Variants in ANK2 observed in about 807,000 individuals in gnomAD.
ANK2 encodes ankyrin-2.
ANK2 carries 83 observed loss-of-function variants against 360.5 expected under a neutral mutation model. The ratio of observed to expected loss-of-function variants is 0.23; its 90% confidence interval spans 0.19 to 0.28. The LOEUF is 0.28. Ranked by LOEUF, ANK2 falls within the 10% of genes least tolerant of loss-of-function variation. The pLI is 1.00. For missense variants in ANK2, 4,201 were observed against 4,795.7 expected, an observed-to-expected ratio of 0.88 and a Z score of 3.66; for synonymous variants, 1,740 against 1,759.5, an observed-to-expected ratio of 0.99 and a Z score of 0.28.
chr4:113,051,366 AATG>A, intron 1 of ANK2, among the ~76,000 whole-genome samples: 1 of 152,168 alleles, frequency 6.6e-6, no homozygotes, highest in South Asian at 2.1e-4. Flanking sequence ...TTGAGCTCTG[AATG>A]ATGATACTAA....
At chr4:113,374,725 C>T in intron 45 of ANK2, 3 of 1,002,076 alleles carry the variant, frequency 3.0e-6, no homozygotes, top group Non-Finnish European at 3.6e-6. Context: ...TTACATTTGG[C>T]AATCAGACAT....
the ANK2 span, among the ~76,000 whole-genome samples, chr4:112,709,671 C>G: frequency 6.6e-6 from 1 of 152,110 alleles, no homozygotes; most frequent in Non-Finnish European, 1.5e-5. Flanking sequence ...ATTGCTTGAA[C>G]CCAGGAGGCG....
In ANK2 at chr4:112,937,238, C is replaced by T. The variant is rs185463478; in HGVS notation, c.21+32724C>T. Among the ~76,000 whole-genome samples the T allele has an allele frequency of 2.3e-3, 351 of 152,072 alleles. 2 individuals are homozygous for T. Among genetic ancestry groups the T allele is most frequent in the African/African-American group, 8.2e-3 (340 of 41,494 alleles). On this transcript the variant is annotated intron_variant, in intron 2 of 30. Coordinates refer to the ANK2 transcript ENST00000503271. ...AAAAATCTCACCTTCCATGACTTAC[C>T]TTTTGGATGGCAGGCTCTATATGGA... is the stretch of plus-strand genomic sequence containing the variant.
the ANK2 span, among the ~76,000 whole-genome samples, chr4:112,782,653 G>T: frequency 6.6e-6 from 1 of 151,898 alleles, no homozygotes; most frequent in Non-Finnish European, 1.5e-5. Context: ...GATCACCTGA[G>T]GTCAGGAGTT....
chr4:112,712,650 G>A, the ANK2 span, among the ~76,000 whole-genome samples: 7 of 149,814 alleles, frequency 4.7e-5, no homozygotes, highest in African/African-American at 9.8e-5. Context: ...CTCATGATCC[G>A]CCCACCTTGG....
chr4:113,299,754 C>G (rs971199548), intron 22 of ANK2, among the ~76,000 whole-genome samples: 6 of 151,512 alleles, frequency 4.0e-5, no homozygotes, highest in Admixed American at 2.6e-4. Context: ...AGGGTAGTCT[C>G]TATGTTATAT....
At chr4:112,732,798 C>T in the ANK2 span, among the ~76,000 whole-genome samples, 1 of 152,094 alleles carries the variant, frequency 6.6e-6, no homozygotes, top group Non-Finnish European at 1.5e-5. Context: ...CTCAGTGTTT[C>T]AGGCTGGGCG....
intron 5 of ANK2, among the ~76,000 whole-genome samples, chr4:113,234,628 A>G (rs1228690468): frequency 1.3e-5 from 2 of 152,246 alleles, no homozygotes; most frequent in East Asian, 3.9e-4. Flanking sequence ...CTACAGTCTT[A>G]TGTGCCCATG....
At chr4:112,962,161 T>C (rs561672561) in intron 2 of ANK2, among the ~76,000 whole-genome samples, 1 of 152,282 alleles carries the variant, frequency 6.6e-6, no homozygotes, top group Non-Finnish European at 1.5e-5. Context: ...GTGAGGATAG[T>C]ACTCAATTGG....
chr4:112,804,729 G>A, the ANK2 span, among the ~76,000 whole-genome samples: 32 of 152,010 alleles, frequency 2.1e-4, no homozygotes, highest in Non-Finnish European at 3.7e-4. Flanking sequence ...TGTGAGGCAG[G>A]AGATTGCTTG....
rs753538076 is a variant in ANK2 at position 113,355,094 on chromosome 4, C to T, written c.6476C>T (p.Thr2159Ile). 6.2e-7 allele frequency: 1 copy of T among 1,614,088 alleles called. No individual in the cohort carries two copies. Among genetic ancestry groups the T allele is most frequent in the Admixed American group, 1.7e-5 (1 of 60,008 alleles). ...CAACAATTCCGCCTGAGTGAGGAGA[C>T]AGAAAAGGCACAGCTTCACTTAGAC... ...KYQQFRLSEE[T>I]EKAQLHLDQV... Residue 2159 changes from threonine to isoleucine, a missense_variant, in exon 38 of 46, where the codon ACA becomes ATA. Physicochemically the swap from Thr to Ile is moderately conservative, Grantham distance 89. Around this residue, in one of 4 missense-constraint regions of ANK2, gnomAD observed 2,642 missense variants for 2,714.5 expected, o/e 0.97. Coordinates refer to ENST00000357077, the MANE Select transcript of ANK2 (RefSeq NM_001148.6).
the ANK2 span, among the ~76,000 whole-genome samples, chr4:112,799,670 C>T: frequency 1.3e-5 from 2 of 151,918 alleles, no homozygotes; most frequent in African/African-American, 4.8e-5. Flanking sequence ...GCGCACACCA[C>T]CATTTCTGGC....
the ANK2 span, among the ~76,000 whole-genome samples, chr4:112,732,939 C>T: frequency 6.6e-6 from 1 of 151,744 alleles, no homozygotes; most frequent in African/African-American, 2.4e-5. Flanking sequence ...AAAAAAGGGG[C>T]CAGGCACGGT....
intron 1 of ANK2, among the ~76,000 whole-genome samples, chr4:113,145,159 A>G (rs2096782093): frequency 6.6e-6 from 1 of 152,208 alleles, no homozygotes; most frequent in African/African-American, 2.4e-5. Flanking sequence ...CTACACAATT[A>G]TAAAAACCAA....
intron 8 of ANK2, among the ~76,000 whole-genome samples, chr4:113,241,387 G>A (rs1376168205): frequency 1.3e-5 from 2 of 152,178 alleles, no homozygotes; most frequent in Non-Finnish European, 2.9e-5. Flanking sequence ...GCCCAGGGTG[G>A]AGTGCAGGGG....
chr4:113,370,407 G>A (rs769512729), intron 43 of ANK2, among the ~76,000 whole-genome samples: 22 of 151,962 alleles, frequency 1.4e-4, no homozygotes, highest in East Asian at 3.9e-4. Flanking sequence ...GCATCATAGC[G>A]CTTCCTTTGT....
intron 2 of ANK2, among the ~76,000 whole-genome samples, chr4:113,176,384 T>G (rs1229712209): frequency 6.6e-6 from 1 of 152,206 alleles, no homozygotes; most frequent in Non-Finnish European, 1.5e-5. Context: ...AAACCCAAAT[T>G]ACTGTATTCC....
At position 113,353,899 on chromosome 4, in the gene ANK2, A is replaced by T. The variant is rs1325692328; in HGVS notation, c.5281A>T (p.Thr1761Ser). The change falls in exon 38 of 46, where the codon ACT becomes TCT. Residue 1761 changes from threonine (T) to serine (S), a missense_variant. Thr to Ser is a moderately conservative substitution (Grantham distance 58). Coordinates refer to ENST00000357077, the MANE Select transcript of ANK2 (RefSeq NM_001148.6). ...GGCCACATCTCCTTTGATAGAAGAA[A>T]CTCCCATTGGTTCCATAAAGGACAA... ...VKATSPLIEETPIGSIKDKVK... is the reference protein window; with the variant it reads ...VKATSPLIEESPIGSIKDKVK... 6.2e-7 allele frequency: 1 copy of T among 1,613,940 alleles called. No individual in the cohort carries two copies. The highest frequency in any genetic ancestry group is 1.1e-5 in the South Asian group (1 of 91,058).
chr4:112,748,346 G>C, the ANK2 span, among the ~76,000 whole-genome samples: 2 of 152,162 alleles, frequency 1.3e-5, no homozygotes, highest in Non-Finnish European at 2.9e-5. Context: ...AGCAGTGGTA[G>C]ATGTAATTCA....
Sources: allele counts gnomAD v4.1 joint callset (sites outside exome capture counted in the v4.1 genomes callset), GRCh38; gene constraint gnomAD v4.1.1; regional missense constraint gnomAD v4.1.1; transcripts MANE v1.5; gene names NCBI Gene and HGNC (gene_info 2026-07-23, HGNC 2026-07-21).